POU6F2: variants seen among roughly 807,000 people sequenced by gnomAD.
The protein encoded by POU6F2 is POU class 6 homeobox 2.
In POU6F2, 31 loss-of-function variants were observed where a neutral mutation model predicts 71.3. That is an observed-to-expected ratio of 0.43 (90% CI 0.33 to 0.59). POU6F2 has a LOEUF of 0.59. Ranked by LOEUF, POU6F2 falls within the 20% of genes least tolerant of loss-of-function variation. The pLI is 0.04. For synonymous variants in POU6F2, 347 were observed against 355.7 expected (o/e 0.98, Z 0.27); for missense variants, 783 against 856.8 (o/e 0.91, Z 1.07).
At position 39,034,439 on chromosome 7, in the gene POU6F2, G is replaced by A. The variant is rs150173045; in HGVS notation, c.106-51421G>A. On this transcript the variant is annotated intron_variant, in intron 1 of 9. Coordinates refer to ENST00000518318, the MANE Select transcript of POU6F2 (RefSeq NM_001370959.1). ...ACGTGCACCTGAAGTGTTCTCGGCA[G>A]GAGCAGTTCTAGAATACTTTATTAC... 9.1e-4 allele frequency: 370 copies of A among 406,754 alleles called. 2 individuals carry two copies. The highest frequency in any genetic ancestry group is 6.7e-3 in the African/African-American group (331 of 49,132). 25.2% of individuals were successfully genotyped at this position (406,754 alleles called of 1,614,324 possible). A position where few individuals can be genotyped will look rare whatever the true frequency, so the allele number is the denominator to read the frequency against.
intron 2 of POU6F2, among the ~76,000 whole-genome samples, chr7:39,165,588 G>C (rs527511235): frequency 6.6e-6 from 1 of 152,256 alleles, no homozygotes; most frequent in Admixed American, 6.5e-5. Context: ...CTGAAGGATA[G>C]TCATATATGT....
intron 5 of POU6F2, among the ~76,000 whole-genome samples, chr7:39,367,901 G>T (rs1786535643): frequency 6.6e-6 from 1 of 151,952 alleles, no homozygotes; most frequent in Non-Finnish European, 1.5e-5. Flanking sequence ...ATTGTTTTGG[G>T]GTGCTACGTA....
rs1792790190 is a variant in POU6F2 at position 39,152,865 on chromosome 7, G to A, written c.278-51370G>A. Among the ~76,000 whole-genome samples, 3 of 152,320 alleles carry A rather than the reference G, an allele frequency of 2.0e-5. No homozygotes were observed. In the South Asian group the frequency reaches 6.2e-4, roughly 32 times the overall value. On this transcript the variant is annotated intron_variant, in intron 2 of 9. Transcript: ENST00000518318. ...GTTGGCCCTGGAAAGCTGACAACTT[G>A]ATAAAATGTATCTTTCAAATCAACC...
intron 5 of POU6F2, chr7:39,373,423 T>C (rs1002213771): frequency 3.7e-5 from 17 of 456,584 alleles, no homozygotes; most frequent in African/African-American, 2.8e-4. Context: ...AACAGTCATG[T>C]TCCTGTTCTG....
chr7:39,034,453 A>G, intron 1 of POU6F2: 1 of 428,308 alleles, frequency 2.3e-6, no homozygotes, highest in Non-Finnish European at 4.8e-6. Context: ...CAGTTCTAGA[A>G]TACTTTATTA....
At chr7:39,123,455 A>G (rs1417443536) in intron 2 of POU6F2, among the ~76,000 whole-genome samples, 1 of 152,224 alleles carries the variant, frequency 6.6e-6, no homozygotes, top group Non-Finnish European at 1.5e-5. Context: ...TGAAAATTAT[A>G]TCTTCAATTT....
intron 7 of POU6F2, among the ~76,000 whole-genome samples, chr7:39,441,495 T>C (rs12112809): frequency 0.34 from 51,010 of 151,650 alleles, 9,581 homozygotes; most frequent in East Asian, 0.58. Flanking sequence ...GAAGGAAGAC[T>C]AAGAGTCCCT....
chr7:39,381,125 G>A (rs1365603520), intron 5 of POU6F2, among the ~76,000 whole-genome samples: 1 of 152,106 alleles, frequency 6.6e-6, no homozygotes, highest in African/African-American at 2.4e-5. Flanking sequence ...GCAGTGGTGC[G>A]ATCTTAGCCC....
chr7:39,248,378 A>C (rs1403270794), intron 4 of POU6F2, among the ~76,000 whole-genome samples: 1 of 152,160 alleles, frequency 6.6e-6, no homozygotes, highest in Non-Finnish European at 1.5e-5. Flanking sequence ...CAAAATGATG[A>C]GATGTGTTCA....
intron 1 of POU6F2, among the ~76,000 whole-genome samples, chr7:38,994,278 CAG>C (rs1218450979): frequency 1.3e-5 from 2 of 151,752 alleles, no homozygotes; most frequent in Non-Finnish European, 2.9e-5. Context: ...TTTTGCAAAA[CAG>C]TGTTGTGTCA....
At chr7:39,042,402 A>G (rs1322567651) in intron 1 of POU6F2, among the ~76,000 whole-genome samples, 4 of 151,982 alleles carry the variant, frequency 2.6e-5, no homozygotes, top group Non-Finnish European at 5.9e-5. Flanking sequence ...ATGTCACTGT[A>G]TAGCCAGGAC....
chr7:39,457,075 A>G (rs1449412777), intron 8 of POU6F2, among the ~76,000 whole-genome samples: 6 of 152,250 alleles, frequency 3.9e-5, no homozygotes, highest in African/African-American at 1.4e-4. Context: ...TCTGACAAAA[A>G]GCAGCCTGCA....
At chr7:39,014,018 A>G (rs776094318) in intron 1 of POU6F2, among the ~76,000 whole-genome samples, 22 of 152,220 alleles carry the variant, frequency 1.4e-4, no homozygotes, top group Non-Finnish European at 2.2e-4. Context: ...GCAAAAAGAA[A>G]AACCATAGGC....
At chr7:39,452,088 A>G (rs907881802) in intron 8 of POU6F2, among the ~76,000 whole-genome samples, 4 of 152,162 alleles carry the variant, frequency 2.6e-5, no homozygotes, top group African/African-American at 4.8e-5. Flanking sequence ...AGCTGCTTTT[A>G]TGTGTGTTTG....
At chr7:39,035,905 T>A (rs1790051667) in intron 1 of POU6F2, among the ~76,000 whole-genome samples, 1 of 127,468 alleles carries the variant, frequency 7.8e-6, no homozygotes, top group South Asian at 3.0e-4. Flanking sequence ...TGGCAGCCTT[T>A]TGCATTCAAA....
At chr7:39,048,872 G>A (rs1267916180) in intron 1 of POU6F2, among the ~76,000 whole-genome samples, 1 of 151,856 alleles carries the variant, frequency 6.6e-6, no homozygotes, top group Non-Finnish European at 1.5e-5. Context: ...TAGCCATTCT[G>A]ACTGGTGTGA....
chr7:39,285,400 C>G (rs1784634429), intron 4 of POU6F2, among the ~76,000 whole-genome samples: 1 of 152,194 alleles, frequency 6.6e-6, no homozygotes, highest in Admixed American at 6.5e-5. Context: ...TAGTCACTCA[C>G]AGTTTTCTGC....
intron 4 of POU6F2, among the ~76,000 whole-genome samples, chr7:39,286,924 A>G (rs1428300108): frequency 7.4e-6 from 1 of 135,256 alleles, no homozygotes; most frequent in African/African-American, 2.7e-5. Flanking sequence ...CACCATGCCC[A>G]GCTTTTTGAG....
chr7:39,338,379 C>A (rs1361587956), intron 4 of POU6F2, among the ~76,000 whole-genome samples: 1 of 152,206 alleles, frequency 6.6e-6, no homozygotes, highest in Non-Finnish European at 1.5e-5. Flanking sequence ...CTCCCTCATG[C>A]CATCTCTATC....
Sources: gnomAD v4.1 joint callset for allele counts (sites outside exome capture counted in the v4.1 genomes callset) on GRCh38, gnomAD v4.1.1 for gene constraint, MANE v1.5 for transcripts, NCBI Gene and HGNC (gene_info 2026-07-23, HGNC 2026-07-21) for gene names.